TBC1D2: variants seen among roughly 807,000 people sequenced by gnomAD.
The protein encoded by TBC1D2 is TBC1 domain family member 2A.
A neutral mutation model predicts 91.1 loss-of-function variants in TBC1D2; 58 were observed. The observed-to-expected ratio is 0.64, with a 90% CI of 0.52 to 0.79. The LOEUF (loss-of-function observed/expected upper bound fraction) is 0.79. TBC1D2 is among the 30% of genes least tolerant of loss of function. The probability of loss-of-function intolerance (pLI) is 0.00; values close to 1 mark genes in which losing one functional copy is unlikely to be tolerated. For synonymous variants in TBC1D2, 482 were observed against 511.5 expected (o/e 0.94, Z 0.78); for missense variants, 1,080 against 1,208.3 (o/e 0.89, Z 1.57).
In TBC1D2 at chr9:98,255,246, A is replaced by T. The variant is rs1464915425; in HGVS notation, c.296T>A (p.Val99Glu). 1 of 1,614,070 alleles carries T rather than the reference A, an allele frequency of 6.2e-7. No homozygotes were observed. Among genetic ancestry groups the T allele is most frequent in the Non-Finnish European group, 8.5e-7 (1 of 1,179,968 alleles). ...PLDSIDLSSA[V>E]FDCKADAEEG... Reference sequence around the variant, plus strand: ...CTCAGCGTCCGCCTTACAGTCAAACACTGCACTGGAGAGGTCGATGCTGTC... The same window carrying T: ...CTCAGCGTCCGCCTTACAGTCAAACTCTGCACTGGAGAGGTCGATGCTGTC... The change falls in exon 1 of 13, where the codon GTG becomes GAG. Residue 99 changes from valine to glutamate, a missense_variant. Coordinates refer to ENST00000465784, the MANE Select transcript of TBC1D2 (RefSeq NM_001267571.2).
At chr9:98,232,101 C>T (rs1829382337) in intron 4 of TBC1D2, among the ~76,000 whole-genome samples, 1 of 152,032 alleles carries the variant, frequency 6.6e-6, no homozygotes, top group African/African-American at 2.4e-5. Flanking sequence ...TACAGAAAGC[C>T]ACTGAATTAC....
intron 5 of TBC1D2, among the ~76,000 whole-genome samples, chr9:98,225,612 C>T (rs1829213734): frequency 2.0e-5 from 3 of 152,156 alleles, no homozygotes; most frequent in Admixed American, 2.0e-4. Flanking sequence ...CTGGCTTAGC[C>T]CCTGGGAGAC....
In TBC1D2 at chr9:98,233,349, G is replaced by T. The variant is rs532195136; in HGVS notation, c.781+67C>A. Reference sequence around the variant, plus strand: ...CAAATGCTGGTTCGCTGGAAGGAAAGAAGGCACTTGTGCCAGCCGTGAGGA... The same window carrying T: ...CAAATGCTGGTTCGCTGGAAGGAAATAAGGCACTTGTGCCAGCCGTGAGGA... On this transcript the variant is annotated intron_variant, in intron 4 of 12. Coordinates refer to ENST00000465784, the MANE Select transcript of TBC1D2 (RefSeq NM_001267571.2). The T allele has an allele frequency of 9.7e-5, 149 of 1,542,204 alleles. 3 individuals carry two copies. In the South Asian group the frequency reaches 1.7e-3, roughly 18 times the overall value.
intron 3 of TBC1D2, chr9:98,234,601 G>C (rs1829456288): frequency 6.6e-6 from 1 of 152,222 alleles, no homozygotes; most frequent in Non-Finnish European, 1.5e-5. Flanking sequence ...TGTTGCATCG[G>C]AATCCTGAGG....
chr9:98,242,396 G>A (rs554235577), intron 3 of TBC1D2, among the ~76,000 whole-genome samples: 6 of 149,004 alleles, frequency 4.0e-5, no homozygotes, highest in Admixed American at 6.7e-5. Flanking sequence ...AGCTGAGATC[G>A]CGCCACTGCT....
intron 3 of TBC1D2, among the ~76,000 whole-genome samples, chr9:98,243,539 T>C (rs1202182830): frequency 7.0e-6 from 1 of 142,928 alleles, no homozygotes; most frequent in Admixed American, 6.7e-5. Context: ...AATGTATTTT[T>C]TTTTTTTTTT....
chr9:98,229,636 G>A (rs1829320571), intron 4 of TBC1D2, among the ~76,000 whole-genome samples: 1 of 152,240 alleles, frequency 6.6e-6, no homozygotes, highest in East Asian at 1.9e-4. Flanking sequence ...TCTGTACTCT[G>A]CATTCTTGCT....
chr9:98,236,011 G>C (rs1173425797), intron 3 of TBC1D2, among the ~76,000 whole-genome samples: 2 of 151,610 alleles, frequency 1.3e-5, no homozygotes, highest in African/African-American at 2.4e-5. Context: ...ACTCCAGCCT[G>C]GGTGACAGAG....
At chr9:98,199,685 T>A in intron 12 of TBC1D2, 97 bp from the exon 13 acceptor site, 1 of 1,352,722 alleles carries the variant, frequency 7.4e-7, no homozygotes, top group African/African-American at 1.4e-5. Flanking sequence ...CCTTCTGCCT[T>A]TGTGGCTGAG....
Position 98,255,615 on chromosome 9 carries a change from G to A in TBC1D2, c.-74C>T. On this transcript the variant is annotated 5_prime_UTR_variant, in exon 1 of 13. Transcript: ENST00000465784. ...AGGGACAAATCTCGGAGACTCGGCGGGCAGCTTCCCAAAGGGAGACACCTG... is the reference window on the plus strand; with the variant it reads ...AGGGACAAATCTCGGAGACTCGGCGAGCAGCTTCCCAAAGGGAGACACCTG... 4 of 1,409,660 alleles carry A rather than the reference G, an allele frequency of 2.8e-6. No individual in the cohort carries two copies. In the South Asian group the frequency reaches 4.9e-5, roughly 17 times the overall value. The allele number at this position is 1,409,660 out of a possible 1,614,324, so 87.3% of individuals were successfully genotyped here. A position where few individuals can be genotyped will look rare whatever the true frequency, so the allele number is the denominator to read the frequency against.
chr9:98,229,629 G>A (rs1023780059), intron 4 of TBC1D2, among the ~76,000 whole-genome samples: 2 of 152,242 alleles, frequency 1.3e-5, no homozygotes, highest in African/African-American at 4.8e-5. Flanking sequence ...ATGAATGTCT[G>A]TACTCTGCAT....
intron 2 of TBC1D2, among the ~76,000 whole-genome samples, chr9:98,249,792 T>A (rs2131295918): frequency 6.6e-6 from 1 of 152,322 alleles, no homozygotes; most frequent in South Asian, 2.1e-4. Context: ...AATAACAATA[T>A]TATTAGGACA....
At chr9:98,219,531 T>C (rs576992653) in intron 6 of TBC1D2, among the ~76,000 whole-genome samples, 1 of 152,322 alleles carries the variant, frequency 6.6e-6, no homozygotes, top group Non-Finnish European at 1.5e-5. Flanking sequence ...TGTGCAAACA[T>C]TGTAGACTGG....
intron 1 of TBC1D2, among the ~76,000 whole-genome samples, chr9:98,253,378 A>G (rs919405983): frequency 1.0e-3 from 154 of 152,130 alleles, no homozygotes; most frequent in African/African-American, 3.6e-3. Flanking sequence ...CCACAGCCAC[A>G]GCTCTAGTTC....
At position 98,212,571 on chromosome 9, in the gene TBC1D2, G is replaced by A. The variant is rs1014107134; in HGVS notation, c.1485+537C>T. ...GGCTGGAGTGCAGTGGCGCAATCTC[G>A]GCTCACTGCAAGCTCCGCCTCCCAG... is the stretch of plus-strand genomic sequence containing the variant. On this transcript the variant is annotated intron_variant, in intron 7 of 12. Transcript: ENST00000465784. 3.4e-4 allele frequency among the ~76,000 whole-genome samples: 51 copies of A among 151,370 alleles called. 1 individual carries two copies. The highest frequency in any genetic ancestry group is 2.0e-4 in the Admixed American group (3 of 15,208).
intron 6 of TBC1D2, among the ~76,000 whole-genome samples, chr9:98,220,294 G>A (rs1249332137): frequency 1.3e-5 from 2 of 152,202 alleles, no homozygotes; most frequent in African/African-American, 4.8e-5. Flanking sequence ...TCACCTCACA[G>A]GGCTGGCGCG....
At chr9:98,243,478 C>G (rs534969612) in intron 3 of TBC1D2, among the ~76,000 whole-genome samples, 1 of 152,032 alleles carries the variant, frequency 6.6e-6, no homozygotes, top group South Asian at 2.1e-4. Flanking sequence ...TTTTTATACC[C>G]TTCCAGATGT....
At chr9:98,205,777 G>C (rs1013503764) in intron 9 of TBC1D2, among the ~76,000 whole-genome samples, 21 of 151,978 alleles carry the variant, frequency 1.4e-4, no homozygotes, top group African/African-American at 5.1e-4. Flanking sequence ...TGTCCAGGCT[G>C]TCTCAAACTC....
chr9:98,201,348 G>T, intron 11 of TBC1D2, 131 bp downstream of exon 11: 1 of 799,946 alleles, frequency 1.3e-6, no homozygotes, highest in African/African-American at 1.7e-5. Flanking sequence ...AGTTGACAAT[G>T]CTCTCAGGAG....
Sources: gnomAD v4.1 joint callset for allele counts (sites outside exome capture counted in the v4.1 genomes callset) on GRCh38, gnomAD v4.1.1 for gene constraint, MANE v1.5 for transcripts, NCBI Gene and HGNC (gene_info 2026-07-23, HGNC 2026-07-21) for gene names.